TESC: variants seen among roughly 807,000 people sequenced by gnomAD.
The protein encoded by TESC is calcineurin B homologous protein 3.
Under a neutral mutation model 31.0 loss-of-function variants are expected in TESC, and 19 were observed. The observed-to-expected ratio is 0.61, with a 90% confidence interval of 0.43 to 0.90. The LOEUF is 0.90. TESC is among the 40% of genes least tolerant of loss of function. The pLI is 0.00. For synonymous variants in TESC, 109 were observed against 114.8 expected (o/e 0.95, Z 0.32); for missense variants, 248 against 303.8 (o/e 0.82, Z 1.36).
chr12:117,091,431 T>G (rs1955306296), intron 1 of TESC, among the ~76,000 whole-genome samples: 1 of 152,180 alleles, frequency 6.6e-6, no homozygotes, highest in Non-Finnish European at 1.5e-5. Flanking sequence ...GTCTGAGAGT[T>G]GATTAAATTT....
chr12:117,048,085 C>T (rs1039625869), intron 4 of TESC, among the ~76,000 whole-genome samples: 3 of 152,266 alleles, frequency 2.0e-5, no homozygotes, highest in South Asian at 2.1e-4. Flanking sequence ...GTGTGCAAAG[C>T]GCTTCACAAA....
chr12:117,066,200 CTTTTT>C (rs58829406), intron 2 of TESC, among the ~76,000 whole-genome samples: 8 of 62,980 alleles, frequency 1.3e-4, no homozygotes, highest in South Asian at 1.6e-3. Flanking sequence ...CTTCCTTTAG[CTTTTT>C]TTTTTTTTTT....
At chr12:117,052,120 G>A (rs1450517342) in intron 3 of TESC, among the ~76,000 whole-genome samples, 1 of 152,074 alleles carries the variant, frequency 6.6e-6, no homozygotes, top group African/African-American at 2.4e-5. Flanking sequence ...AAGATCAGTG[G>A]ACAGAAAACA....
At chr12:117,080,794 G>A (rs7953076) in intron 1 of TESC, among the ~76,000 whole-genome samples, 4,344 of 152,156 alleles carry the variant, frequency 0.029, 218 homozygotes, top group African/African-American at 0.1. Context: ...CTGACCCTGG[G>A]CCCCCAACAG....
intron 2 of TESC, among the ~76,000 whole-genome samples, chr12:117,066,529 G>A (rs561318234): frequency 6.6e-6 from 1 of 151,998 alleles, no homozygotes; most frequent in African/African-American, 2.4e-5. Flanking sequence ...CCACCACCAC[G>A]CCTGGCTAGT....
intron 3 of TESC, among the ~76,000 whole-genome samples, chr12:117,051,394 A>G (rs938761021): frequency 1.3e-5 from 2 of 152,050 alleles, no homozygotes; most frequent in Admixed American, 1.3e-4. Context: ...GGATCAAGAA[A>G]CTGCCCATCT....
intron 4 of TESC, 61 bp from the exon 5 acceptor site, chr12:117,046,899 G>T: frequency 6.6e-7 from 1 of 1,509,798 alleles, no homozygotes; most frequent in Non-Finnish European, 8.9e-7. Context: ...GCCACCCCCT[G>T]AAATGTACAC....
At chr12:117,096,515 G>A (rs1955398331) in intron 1 of TESC, among the ~76,000 whole-genome samples, 1 of 152,000 alleles carries the variant, frequency 6.6e-6, no homozygotes, top group African/African-American at 2.4e-5. Flanking sequence ...TCAGAGAGGT[G>A]GGACCAAGAC....
intron 3 of TESC, among the ~76,000 whole-genome samples, chr12:117,050,283 A>G (rs1954629705): frequency 1.3e-5 from 2 of 152,238 alleles, no homozygotes; most frequent in Non-Finnish European, 2.9e-5. Flanking sequence ...GCTGCAACAG[A>G]GACTGCGTGG....
At chr12:117,073,339 T>C (rs2135782648) in intron 2 of TESC, among the ~76,000 whole-genome samples, 1 of 152,300 alleles carries the variant, frequency 6.6e-6, no homozygotes, top group Non-Finnish European at 1.5e-5. Flanking sequence ...TGGGCTCAGG[T>C]TCTCTCTCCT....
rs531734492 is a variant in TESC, at chr12:117,042,773, G to T, written c.520-779C>A. 2.1e-3 allele frequency among the ~76,000 whole-genome samples: 323 copies of T among 152,230 alleles called. 1 individual carries two copies. Among genetic ancestry groups the T allele is most frequent in the African/African-American group, 7.6e-3 (315 of 41,542 alleles). ...GCTCGCTTTGTGACAGCGAAAACCC[G>T]CTGACATCCCAGGTGCCCGTCAATA... is the stretch of plus-strand genomic sequence containing the variant. On this transcript the variant is annotated intron_variant, in intron 6 of 7. Coordinates refer to ENST00000335209, the MANE Select transcript of TESC (RefSeq NM_017899.4).
chr12:117,042,971 C>A (rs1393315853), intron 6 of TESC, among the ~76,000 whole-genome samples: 1 of 151,964 alleles, frequency 6.6e-6, no homozygotes, highest in Admixed American at 6.5e-5. Context: ...GCTGCAACCT[C>A]AGGCAAAAAT....
At chr12:117,070,034 A>G (rs554168079) in intron 2 of TESC, among the ~76,000 whole-genome samples, 3 of 152,196 alleles carry the variant, frequency 2.0e-5, no homozygotes, top group African/African-American at 7.2e-5. Flanking sequence ...TCACTAGGGA[A>G]CCCCAATCAA....
At chr12:117,068,295 C>T (rs142853239) in intron 2 of TESC, among the ~76,000 whole-genome samples, 2,647 of 152,080 alleles carry the variant, frequency 0.017, 77 homozygotes, top group African/African-American at 0.06. Context: ...TTTGGGAGGC[C>T]GAGGCGGGTG....
chr12:117,059,201 G>A (rs1463980420), intron 2 of TESC, among the ~76,000 whole-genome samples: 2 of 152,226 alleles, frequency 1.3e-5, no homozygotes, highest in African/African-American at 4.8e-5. Flanking sequence ...GGGACTCTAC[G>A]CCGTTTGGGT....
At chr12:117,065,961 C>A (rs965203999) in intron 2 of TESC, among the ~76,000 whole-genome samples, 1 of 152,112 alleles carries the variant, frequency 6.6e-6, no homozygotes, top group Admixed American at 6.5e-5. Context: ...AAACCCAAGT[C>A]ATCACTAGGG....
At chr12:117,095,830 G>C (rs979797895) in intron 1 of TESC, among the ~76,000 whole-genome samples, 3 of 152,052 alleles carry the variant, frequency 2.0e-5, no homozygotes, top group African/African-American at 7.2e-5. Context: ...CAGTGAGCTT[G>C]ATCATGCCCC....
chr12:117,077,081 T>C (rs1955084086), intron 1 of TESC, among the ~76,000 whole-genome samples: 1 of 152,176 alleles, frequency 6.6e-6, no homozygotes, highest in Non-Finnish European at 1.5e-5. Flanking sequence ...GGCCAACTGG[T>C]CACCTCACTT....
Position 117,049,165 on chromosome 12 carries a change from G to C in TESC, c.210-7C>G, listed in dbSNP as rs1177358781. 1.9e-6 allele frequency: 3 copies of C among 1,614,144 alleles called. No individual in the cohort carries two copies. The highest frequency in any genetic ancestry group is 2.5e-6 in the Non-Finnish European group (3 of 1,180,016). On this transcript the variant is annotated splice_region_variant and splice_polypyrimidine_tract_variant and intron_variant, in intron 3 of 7. Transcript: ENST00000335209. The stretch of plus-strand genomic sequence containing the variant: ...GGGTCCCTTGCGCAGGTTCCTACGG[G>C]AGCAACAAGGAGGGTGTTGGAAATA...
Sources: gnomAD v4.1 joint callset for allele counts (sites outside exome capture counted in the v4.1 genomes callset) on GRCh38, gnomAD v4.1.1 for gene constraint, MANE v1.5 for transcripts, NCBI Gene and HGNC (gene_info 2026-07-23, HGNC 2026-07-21) for gene names.